Variants in FARS2 observed in about 807,000 individuals in gnomAD.
FARS2 encodes phenylalanyl-tRNA synthetase 2, mitochondrial.
Under a neutral mutation model 46.4 loss-of-function variants are expected in FARS2, and 40 were observed. The ratio of observed to expected loss-of-function variants is 0.86; its 90% CI spans 0.67 to 1.12. The LOEUF (loss-of-function observed/expected upper bound fraction) is 1.12. FARS2 is among the 50% of genes most tolerant of loss of function. The pLI, the probability that FARS2 is intolerant of heterozygous loss-of-function variation, is 0.00. For synonymous variants in FARS2, 234 were observed against 214.9 expected, an observed-to-expected ratio of 1.09 and a Z score of -0.78; for missense variants, 513 against 567.9, an observed-to-expected ratio of 0.90 and a Z score of 0.98.
At chr6:5,642,546 A>T (rs1410203169) in intron 6 of FARS2, among the ~76,000 whole-genome samples, 1 of 152,192 alleles carries the variant, frequency 6.6e-6, no homozygotes, top group Non-Finnish European at 1.5e-5. Flanking sequence ...ACATCAGAGC[A>T]TGCCCTGTCT....
intron 6 of FARS2, among the ~76,000 whole-genome samples, chr6:5,616,033 A>AAAAAAAAAAAAC (rs1413092908): frequency 3.3e-5 from 5 of 150,234 alleles, no homozygotes; most frequent in Admixed American, 6.6e-5. Flanking sequence ...AAAAAAAAAA[A>AAAAAAAAAAAAC]AACAACGAAA....
chr6:5,691,139 C>T (rs188541722), intron 6 of FARS2, among the ~76,000 whole-genome samples: 85 of 152,182 alleles, frequency 5.6e-4, no homozygotes, highest in South Asian at 3.9e-3. Flanking sequence ...TTCAAACTTC[C>T]TCCTTTAGCT....
chr6:5,524,976 T>TTCTACTTTCTACTAA (rs1290599817), intron 4 of FARS2, among the ~76,000 whole-genome samples: 4 of 152,136 alleles, frequency 2.6e-5, no homozygotes, highest in African/African-American at 9.7e-5. Flanking sequence ...GACCACTGTG[T>TTCTACTTTCTACTAA]TCTACTTTCT....
intron 4 of FARS2, among the ~76,000 whole-genome samples, chr6:5,516,500 A>G (rs1292193226): frequency 2.0e-5 from 3 of 152,240 alleles, no homozygotes. Context: ...TGCTGTAACG[A>G]AAGCTATAGG....
intron 4 of FARS2, among the ~76,000 whole-genome samples, chr6:5,464,941 A>G (rs1765433590): frequency 6.6e-6 from 1 of 152,224 alleles, no homozygotes. Flanking sequence ...CAACTAGAGG[A>G]GTCGTGCGGG....
chr6:5,372,842 A>T (rs1187090926), intron 2 of FARS2, among the ~76,000 whole-genome samples: 1 of 152,176 alleles, frequency 6.6e-6, no homozygotes, highest in African/African-American at 2.4e-5. Context: ...TTCGCTTTAG[A>T]TATGTTTATT....
intron 3 of FARS2, among the ~76,000 whole-genome samples, chr6:5,417,943 G>C (rs948358515): frequency 6.6e-6 from 1 of 151,276 alleles, no homozygotes; most frequent in Non-Finnish European, 1.5e-5. Flanking sequence ...ATTGCATTTT[G>C]GATAATTTCT....
At chr6:5,724,173 C>T (rs887244880) in intron 6 of FARS2, among the ~76,000 whole-genome samples, 4 of 152,202 alleles carry the variant, frequency 2.6e-5, no homozygotes, top group African/African-American at 9.6e-5. Flanking sequence ...ACAGCTTAGA[C>T]GCCTTTCCTA....
intron 4 of FARS2, among the ~76,000 whole-genome samples, chr6:5,508,832 C>T (rs1768260866): frequency 1.3e-5 from 2 of 152,028 alleles, no homozygotes; most frequent in Admixed American, 1.3e-4. Flanking sequence ...GAATTTGAAT[C>T]ATAGTACTAT....
intron 5 of FARS2, among the ~76,000 whole-genome samples, chr6:5,611,845 C>T (rs1172435280): frequency 3.3e-5 from 5 of 152,178 alleles, no homozygotes; most frequent in Admixed American, 3.3e-4. Context: ...GGCATCAGAA[C>T]TCAGGAAGTG....
intron 1 of FARS2, among the ~76,000 whole-genome samples, chr6:5,346,441 G>A (rs932497678): frequency 6.6e-5 from 10 of 152,134 alleles, no homozygotes; most frequent in African/African-American, 2.4e-4. Context: ...CAGGGACTGA[G>A]CCCTATGTGC....
intron 6 of FARS2, among the ~76,000 whole-genome samples, chr6:5,762,083 G>A (rs1762507401): frequency 6.6e-6 from 1 of 152,198 alleles, no homozygotes; most frequent in Admixed American, 6.5e-5. Flanking sequence ...TCATATCAGT[G>A]ATCCATCTGT....
chr6:5,379,502 C>A (rs1759612806), intron 2 of FARS2, among the ~76,000 whole-genome samples: 1 of 152,118 alleles, frequency 6.6e-6, no homozygotes, highest in Non-Finnish European at 1.5e-5. Context: ...GAGCTGCTAC[C>A]CTTAGGACTA....
At chr6:5,394,776 TA>T (rs149105925) in intron 2 of FARS2, among the ~76,000 whole-genome samples, 10 of 150,638 alleles carry the variant, frequency 6.6e-5, no homozygotes, top group African/African-American at 9.8e-5. Flanking sequence ...TGTTTTTTTT[TA>T]AAAAAAAAGC....
intron 6 of FARS2, among the ~76,000 whole-genome samples, chr6:5,663,548 A>G (rs916180535): frequency 6.6e-6 from 1 of 152,176 alleles, no homozygotes; most frequent in African/African-American, 2.4e-5. Context: ...ATGTGTTTCG[A>G]TGAGATCAGA....
At chr6:5,692,787 C>T (rs987989553) in intron 6 of FARS2, among the ~76,000 whole-genome samples, 20 of 152,048 alleles carry the variant, frequency 1.3e-4, no homozygotes, top group African/African-American at 3.4e-4. Flanking sequence ...GATGTGTGTG[C>T]GTCACTATTT....
At chr6:5,475,102 A>G (rs1180717494) in intron 4 of FARS2, among the ~76,000 whole-genome samples, 1 of 152,204 alleles carries the variant, frequency 6.6e-6, no homozygotes, top group African/African-American at 2.4e-5. Context: ...GAGGAAAACT[A>G]AATGAAAGGA....
At chr6:5,535,980 T>C (rs187183093) in intron 4 of FARS2, among the ~76,000 whole-genome samples, 109 of 152,290 alleles carry the variant, frequency 7.2e-4, no homozygotes, top group African/African-American at 2.5e-3. Flanking sequence ...TAAGAGATAT[T>C]GGTATGTGGC....
intron 1 of FARS2, among the ~76,000 whole-genome samples, chr6:5,353,104 T>C (rs1426249614): frequency 3.9e-5 from 6 of 152,182 alleles, no homozygotes; most frequent in African/African-American, 1.2e-4. Flanking sequence ...ATTCTACTCT[T>C]TGCTTCTGTG....
Sources: allele counts gnomAD v4.1 joint callset (sites outside exome capture counted in the v4.1 genomes callset), GRCh38; gene constraint gnomAD v4.1.1; transcripts MANE v1.5; gene names NCBI Gene and HGNC (gene_info 2026-07-23, HGNC 2026-07-21).